The following TESK1 variants were observed in gnomAD, a reference collection of about 807,000 sequenced individuals.
The protein encoded by TESK1 is testis associated actin remodelling kinase 1, also known as dual specificity testis-specific protein kinase 1.
TESK1 carries 18 observed loss-of-function variants against 59.9 expected under a neutral mutation model. The observed-to-expected ratio is 0.30, with a 90% CI of 0.21 to 0.45. The LOEUF (loss-of-function observed/expected upper bound fraction) is 0.45, where lower values mean the gene tolerates loss of function less well. Among genes scored for constraint, TESK1 ranks in the 20% least tolerant of loss-of-function variants. The pLI is 1.00. For missense variants in TESK1, 748 were observed against 840.9 expected, an observed-to-expected ratio of 0.89 and a Z score of 1.37; for synonymous variants, 341 against 357.4, an observed-to-expected ratio of 0.95 and a Z score of 0.52.
Position 35,609,291 on chromosome 9 carries a change from C to T in TESK1, c.1430C>T (p.Pro477Leu), listed in dbSNP as rs756272696. 12 of 1,614,034 alleles carry T rather than the reference C, an allele frequency of 7.4e-6. No individual in the cohort carries two copies. Among genetic ancestry groups the T allele is most frequent in the East Asian group, 6.7e-5 (3 of 44,888 alleles). Reference protein sequence around the residue: ...KMECEGSSPEPEPPGPAPQLP... With the variant: ...KMECEGSSPELEPPGPAPQLP... ...GAGTGCGAGGGCAGCAGCCCTGAGCCGGAACCTCCAGGGCCAGCGCCCCAG... is the reference window on the plus strand; with the variant it reads ...GAGTGCGAGGGCAGCAGCCCTGAGCTGGAACCTCCAGGGCCAGCGCCCCAG... The change falls in exon 10 of 10, where the codon CCG becomes CTG. Residue 477 changes from proline to leucine, a missense_variant. This residue lies in a region of TESK1 where 447 missense variants were observed against 466.1 expected (regional missense o/e 0.96). Coordinates refer to ENST00000336395, the MANE Select transcript of TESK1 (RefSeq NM_006285.3). This position sits in a 1 kb window ranked among gnomAD's most constrained non-coding sequence, Gnocchi z 6.7.
In TESK1 at chr9:35,605,571, G is replaced by A. The variant is rs1428300094; in HGVS notation, c.-49G>A. ...CCCATGGCAAGCGCGGCCTGCCCGG[G>A]CCCTGGGGACCCTGCCATGTGAGGC... is the stretch of plus-strand genomic sequence containing the variant. On this transcript the variant is annotated 5_prime_UTR_variant, in exon 1 of 10. Transcript: ENST00000336395. The A allele has an allele frequency of 5.1e-6, 3 of 588,658 alleles. No individual in the cohort carries two copies. The highest frequency in any genetic ancestry group is 4.0e-5 in the African/African-American group (2 of 50,432). 36.5% of individuals were successfully genotyped at this position (588,658 alleles called of 1,614,324 possible).
rs1345096531 is a variant in TESK1 at position 35,607,630 on chromosome 9, G to T, written c.669G>T (p.Trp223Cys). ...EPLAVVGSPY[W>C]MAPEVLRGEL... is the part of the protein sequence containing the mutation. ...TGGCCGTGGTGGGCTCCCCATACTG[G>T]ATGGCTCCAGAGGTGTTACGGGGTG... The change falls in exon 6 of 10, where the codon TGG becomes TGT. Residue 223 changes from tryptophan (W) to cysteine (C), a missense_variant. Transcript: ENST00000336395. This position sits in a 1 kb window ranked among gnomAD's most constrained non-coding sequence, Gnocchi z 4.5. 6.2e-7 allele frequency: 1 copy of T among 1,613,952 alleles called. No homozygotes were observed. Among genetic ancestry groups the T allele is most frequent in the Non-Finnish European group, 8.5e-7 (1 of 1,179,982 alleles).
chr9:35,609,868 C>G lies in TESK1; in HGVS notation c.*126C>G. 2 of 1,175,424 alleles carry G rather than the reference C, an allele frequency of 1.7e-6. No individual in the cohort carries two copies. Among genetic ancestry groups the G allele is most frequent in the Non-Finnish European group, 2.3e-6 (2 of 865,300 alleles). 72.8% of individuals were successfully genotyped at this position (1,175,424 alleles called of 1,614,324 possible). A position where few individuals can be genotyped will look rare whatever the true frequency, so the allele number is the denominator to read the frequency against. On this transcript the variant is annotated 3_prime_UTR_variant, in exon 10 of 10. Transcript: ENST00000336395. This position sits in a 1 kb window ranked among gnomAD's most constrained non-coding sequence, Gnocchi z 6.7. ...CGGCTCTTCTCCCCGTGTAGGGGAG[C>G]CCCAGCATGGACTCAAGGGACAGAG...
intron 2 of TESK1, 27 bp from the exon 3 acceptor site, chr9:35,606,210 C>T (rs1175339566): frequency 9.9e-6 from 16 of 1,614,068 alleles, no homozygotes; most frequent in Admixed American, 3.3e-5. Context: ...AATAGCCTAT[C>T]CTTCTATCTT....
Position 35,607,198 on chromosome 9 carries a change from G to A in TESK1, c.538-129G>A. 1 of 1,345,156 alleles carries A rather than the reference G, an allele frequency of 7.4e-7. No homozygotes were observed. Among genetic ancestry groups the A allele is most frequent in the African/African-American group, 1.4e-5 (1 of 70,104 alleles). 83.3% of individuals were successfully genotyped at this position (1,345,156 alleles called of 1,614,324 possible). A position where few individuals can be genotyped will look rare whatever the true frequency, so the allele number is the denominator to read the frequency against. ...TTGGATGATGTTGCAATATTGAAGT[G>A]CCTTGAAAAACTGGGAGAGCAGAGA... On this transcript the variant is annotated intron_variant, in intron 4 of 9. Coordinates refer to ENST00000336395, the MANE Select transcript of TESK1 (RefSeq NM_006285.3). This position sits in a 1 kb window ranked among gnomAD's most constrained non-coding sequence, Gnocchi z 4.5.
chr9:35,608,377 C>T lies in TESK1; in HGVS notation c.886-18C>T, dbSNP rs755334263. The T allele has an allele frequency of 1.2e-4, 187 of 1,613,054 alleles. No homozygotes were observed. The highest frequency in any genetic ancestry group is 1.5e-4 in the Non-Finnish European group (178 of 1,179,140). On this transcript the variant is annotated intron_variant, in intron 8 of 9. Coordinates refer to ENST00000336395, the MANE Select transcript of TESK1 (RefSeq NM_006285.3). ...TTTCGGAGCACTGAGTGAAGCCGTT[C>T]CTGTCTCTACCCATCAGCTGGAACC...
rs1386653489 is a variant in TESK1 at position 35,605,288 on chromosome 9, G to C, written c.-332G>C. 1.3e-5 allele frequency: 2 copies of C among 148,754 alleles called. No individual in the cohort carries two copies. Among genetic ancestry groups the C allele is most frequent in the Non-Finnish European group, 3.0e-5 (2 of 66,176 alleles). 9.2% of individuals were successfully genotyped at this position (148,754 alleles called of 1,614,324 possible). On this transcript the variant is annotated 5_prime_UTR_variant, in exon 1 of 10. Coordinates refer to ENST00000336395, the MANE Select transcript of TESK1 (RefSeq NM_006285.3). ...GAGCCTGATCCCCGGCGGCTAAGCG[G>C]AGCAGCCGCCGCCCGCCCGCCCGCC...
In TESK1 at chr9:35,608,518, G is replaced by C. The variant is rs1822894887; in HGVS notation, c.1000+9G>C. 6.2e-7 allele frequency: 1 copy of C among 1,610,450 alleles called. No individual in the cohort carries two copies. Among genetic ancestry groups the C allele is most frequent in the Non-Finnish European group, 8.5e-7 (1 of 1,177,062 alleles). On this transcript the variant is annotated intron_variant, in intron 9 of 9. Transcript: ENST00000336395. Reference sequence around the variant, plus strand: ...CCTGACACACAATCAGGGTAAGGGAGCCTGACCTTGATCCAGCTTGAGTCC... The same window carrying C: ...CCTGACACACAATCAGGGTAAGGGACCCTGACCTTGATCCAGCTTGAGTCC...
At position 35,607,698 on chromosome 9, in the gene TESK1, C is replaced by T. The variant is rs1822877242; in HGVS notation, c.711+26C>T. The T allele has an allele frequency of 6.3e-7, 1 of 1,587,848 alleles. No individual in the cohort carries two copies. Among genetic ancestry groups the T allele is most frequent in the African/African-American group, 1.3e-5 (1 of 74,278 alleles). ...GTGAGACATCAACCCTTCAGATCCC[C>T]AAGGCCTTCCGAGACCCTTGAGGTA... On this transcript the variant is annotated intron_variant, in intron 6 of 9. Coordinates refer to ENST00000336395, the MANE Select transcript of TESK1 (RefSeq NM_006285.3). The surrounding 1 kb of genome is among the most constrained non-coding windows in gnomAD (Gnocchi z 4.5).
Position 35,607,729 on chromosome 9 carries a change from A to C in TESK1, c.711+57A>C. The stretch of plus-strand genomic sequence containing the variant: ...CTTCCGAGACCCTTGAGGTATTCTC[A>C]TAAAGCCCCATCCATCCCCAAAACA... On this transcript the variant is annotated intron_variant, in intron 6 of 9. Coordinates refer to ENST00000336395, the MANE Select transcript of TESK1 (RefSeq NM_006285.3). This position sits in a 1 kb window ranked among gnomAD's most constrained non-coding sequence, Gnocchi z 4.5. 3 of 1,489,388 alleles carry C rather than the reference A, an allele frequency of 2.0e-6. No individual in the cohort carries two copies. Among genetic ancestry groups the C allele is most frequent in the Non-Finnish European group, 2.8e-6 (3 of 1,073,396 alleles). The allele number at this position is 1,489,388 out of a possible 1,614,324, so 92.3% of individuals were successfully genotyped here.
In TESK1 at chr9:35,607,029, A is replaced by G. The variant is rs1440653212; in HGVS notation, c.537+46A>G. 1 of 1,519,872 alleles carries G rather than the reference A, an allele frequency of 6.6e-7. No individual in the cohort carries two copies. The highest frequency in any genetic ancestry group is 8.9e-7 in the Non-Finnish European group (1 of 1,129,622). 94.1% of individuals were successfully genotyped at this position (1,519,872 alleles called of 1,614,324 possible). Reference sequence around the variant, plus strand: ...GAGACATGAAAGAGGGTTTGAGGCTATTAGGTTGTAACTGGCCTGTGGATG... The same window carrying G: ...GAGACATGAAAGAGGGTTTGAGGCTGTTAGGTTGTAACTGGCCTGTGGATG... On this transcript the variant is annotated intron_variant, in intron 4 of 9. Coordinates refer to ENST00000336395, the MANE Select transcript of TESK1 (RefSeq NM_006285.3). The surrounding 1 kb of genome is among the most constrained non-coding windows in gnomAD (Gnocchi z 4.5).
chr9:35,607,470 G>T lies in TESK1; in HGVS notation c.620+61G>T, dbSNP rs1233774445. 4 of 1,600,880 alleles carry T rather than the reference G, an allele frequency of 2.5e-6. No homozygotes were observed. The highest frequency in any genetic ancestry group is 3.4e-6 in the Non-Finnish European group (4 of 1,168,354). On this transcript the variant is annotated intron_variant, in intron 5 of 9. Transcript: ENST00000336395. This position sits in a 1 kb window ranked among gnomAD's most constrained non-coding sequence, Gnocchi z 4.5. ...AGAGTGCCCCTATCTGATGTCCCCA[G>T]AGCCCCAGGGATGTTTCCCTTGGGG...
chr9:35,606,881 A>G lies in TESK1; in HGVS notation c.435A>G (p.Glu145=). The G allele has an allele frequency of 6.2e-7, 1 of 1,613,384 alleles. No homozygotes were observed. Among genetic ancestry groups the G allele is most frequent in the Non-Finnish European group, 8.5e-7 (1 of 1,179,676 alleles). Residue 145 remains glutamate (E), a synonymous_variant, in exon 4 of 10, where the codon GAA becomes GAG. Transcript: ENST00000336395. ...GTLEQLLSSP[E]PLSWPVRLHL... is the part of the protein sequence containing the mutation. The stretch of plus-strand genomic sequence containing the variant: ...TGGAACAGCTGCTCAGCTCCCCTGA[A>G]CCCCTGTCCTGGCCGGTCAGGCTCC...
In TESK1 at chr9:35,607,575, C is replaced by T. The variant is rs1822875103; in HGVS notation, c.621-7C>T. The stretch of plus-strand genomic sequence containing the variant: ...TGCTTCTGACCACTCTGCCCCTGCC[C>T]CTGCAGGGAGGGGGCAAGGAAGGAG... On this transcript the variant is annotated splice_polypyrimidine_tract_variant and splice_region_variant and intron_variant, in intron 5 of 9. Transcript: ENST00000336395. The surrounding 1 kb of genome is among the most constrained non-coding windows in gnomAD (Gnocchi z 4.5). 8 of 1,612,512 alleles carry T rather than the reference C, an allele frequency of 5.0e-6. No individual in the cohort carries two copies. Among genetic ancestry groups the T allele is most frequent in the Admixed American group, 1.7e-5 (1 of 59,988 alleles).
chr9:35,606,406 G>A, intron 3 of TESK1, 121 bp downstream of exon 3: 15 of 1,254,760 alleles, frequency 1.2e-5, no homozygotes, highest in South Asian at 8.7e-5. Context: ...CCTCTCAGGG[G>A]AGGCTTTCCT....
At position 35,605,718 on chromosome 9, in the gene TESK1, G is replaced by T; in HGVS notation, c.99G>T (p.Pro33=). The T allele has an allele frequency of 6.4e-7, 1 of 1,556,908 alleles. No individual in the cohort carries two copies. Among genetic ancestry groups the T allele is most frequent in the South Asian group, 1.2e-5 (1 of 86,264 alleles). Residue 33 remains proline, a synonymous_variant, in exon 1 of 10, where the codon CCG becomes CCT. Transcript: ENST00000336395. The part of the protein sequence containing the change: ...PPGPGGTGGG[P]GRGRPSSYRA... ...GGCCGGGGGGCACGGGCGGAGGCCC[G>T]GGCCGGGGCCGCCCCTCCTCCTACC... is the stretch of plus-strand genomic sequence containing the variant.
chr9:35,608,356 G>A, intron 8 of TESK1, 39 bp from the exon 9 acceptor site: 6 of 1,611,456 alleles, frequency 3.7e-6, no homozygotes, highest in South Asian at 3.3e-5. Context: ...ACCCTCTTTC[G>A]GAGCACTGAG....
Position 35,608,970 on chromosome 9 carries a change from A to T in TESK1, c.1109A>T (p.Asn370Ile), listed in dbSNP as rs1256462241. ...CCCCCATCACCAGAATCACCCCCCA[A>T]CTGGGGGGACAATCTGACTCGAGTC... ...FLPPSPESPPNWGDNLTRVNP... is the reference protein window; with the variant it reads ...FLPPSPESPPIWGDNLTRVNP... The change falls in exon 10 of 10, where the codon AAC (asparagine) becomes ATC (isoleucine). Residue 370 changes from asparagine (N) to isoleucine (I), a missense_variant. By Grantham distance (149) the Asn-to-Ile change is moderately radical. Around this residue, in one of 3 missense-constraint regions of TESK1, gnomAD observed 447 missense variants for 466.1 expected, o/e 0.96. Coordinates refer to ENST00000336395, the MANE Select transcript of TESK1 (RefSeq NM_006285.3). 1 of 1,614,074 alleles carries T rather than the reference A, an allele frequency of 6.2e-7. No individual in the cohort carries two copies. The highest frequency in any genetic ancestry group is 8.5e-7 in the Non-Finnish European group (1 of 1,179,988).
Position 35,607,061 on chromosome 9 carries a change from T to C in TESK1, c.537+78T>C. 2 of 1,468,170 alleles carry C rather than the reference T, an allele frequency of 1.4e-6. No homozygotes were observed. 90.9% of individuals were successfully genotyped at this position (1,468,170 alleles called of 1,614,324 possible). ...TGTAACTGGCCTGTGGATGTTGGAA[T>C]ATGGATAACAGATATATTAGGATGT... On this transcript the variant is annotated intron_variant, in intron 4 of 9. Transcript: ENST00000336395. This position sits in a 1 kb window ranked among gnomAD's most constrained non-coding sequence, Gnocchi z 4.5.
Sources: gnomAD v4.1 joint callset for allele counts on GRCh38, gnomAD v4.1.1 for gene constraint, gnomAD v4.1.1 regional missense constraint, Gnocchi (gnomAD v3.1) non-coding constraint, MANE v1.5 for transcripts, NCBI Gene and HGNC (gene_info 2026-07-23, HGNC 2026-07-21) for gene names.